CCDC88C: variants seen among roughly 807,000 people sequenced by gnomAD.
CCDC88C encodes coiled-coil and HOOK domain protein 88C.
A neutral mutation model predicts 198.8 loss-of-function variants in CCDC88C; 131 were observed. The ratio of observed to expected loss-of-function variants is 0.66; its 90% CI spans 0.57 to 0.76. The LOEUF (loss-of-function observed/expected upper bound fraction) is 0.76, where lower values mean the gene tolerates loss of function less well. Among genes scored for constraint, CCDC88C ranks in the 30% least tolerant of loss-of-function variants. The pLI, the probability that CCDC88C is intolerant of heterozygous loss-of-function variation, is 0.00. For missense variants in CCDC88C, 2,553 were observed against 2,631.6 expected (o/e 0.97, Z 0.65); for synonymous variants, 1,166 against 1,114.7 (o/e 1.05, Z -0.92).
rs769185494 is a variant in CCDC88C, at chr14:91,307,149, C to T, written c.3084G>A (p.Ala1028=). The T allele has an allele frequency of 1.5e-5, 25 of 1,613,866 alleles. No individual in the cohort carries two copies. Among genetic ancestry groups the T allele is most frequent in the East Asian group, 2.2e-5 (1 of 44,890 alleles). ...CCTGGTGACTGGCGGCTGTCTTCCC[C>T]GCAGGGTGCTTGAAAGAGTTCTGCA... ...QHLQNSFKHP[A]GKTAASHQGK... The change falls in exon 18 of 30, where the codon GCG becomes GCA. Residue 1028 remains alanine (A), a synonymous_variant. Coordinates refer to ENST00000389857, the MANE Select transcript of CCDC88C (RefSeq NM_001080414.4).
chr14:91,281,121 T>C (rs528199702), intron 27 of CCDC88C: 4 of 491,140 alleles, frequency 8.1e-6, no homozygotes, highest in East Asian at 5.8e-5. Flanking sequence ...TGCAGCCAAG[T>C]GAGGACAGCA....
intron 3 of CCDC88C, among the ~76,000 whole-genome samples, chr14:91,375,995 C>T (rs1426195254): frequency 6.6e-6 from 1 of 152,206 alleles, no homozygotes; most frequent in Non-Finnish European, 1.5e-5. Context: ...CGTAGACCTT[C>T]CAGCCCCGCG....
rs760847522 is a variant in CCDC88C, at chr14:91,339,422, G to A, written c.665C>T (p.Ala222Val). ...DLTQERDYLQAQHPPSPIKSS... is the reference protein window; with the variant it reads ...DLTQERDYLQVQHPPSPIKSS... The stretch of plus-strand genomic sequence containing the variant: ...CTTGATGGGGCTGGGTGGATGCTGT[G>A]CCTGCAGGTAGTCCCGTTCCTGAGT... Residue 222 changes from alanine (A) to valine (V), a missense_variant, in exon 8 of 30, where the codon GCA becomes GTA. Around this residue, in one of 2 missense-constraint regions of CCDC88C, gnomAD observed 1,260 missense variants for 1,412.0 expected, o/e 0.89. Coordinates refer to ENST00000389857, the MANE Select transcript of CCDC88C (RefSeq NM_001080414.4). The surrounding 1 kb of genome is among the most constrained non-coding windows in gnomAD (Gnocchi z 5.8). The A allele has an allele frequency of 1.9e-6, 3 of 1,610,618 alleles. No homozygotes were observed. The highest frequency in any genetic ancestry group is 1.7e-6 in the Non-Finnish European group (2 of 1,177,212).
chr14:91,281,331 G>C (rs1487521496), intron 27 of CCDC88C, 126 bp downstream of exon 27: 2 of 1,548,432 alleles, frequency 1.3e-6, no homozygotes, highest in African/African-American at 1.4e-5. Flanking sequence ...AGGAAGAATG[G>C]GTCCCCCATT....
chr14:91,293,445 T>C (rs779434182), intron 23 of CCDC88C, among the ~76,000 whole-genome samples: 65 of 792 alleles, frequency 0.082, 4 homozygotes, highest in South Asian at 0.21. Flanking sequence ...CGTCCTCACC[T>C]GCCACGGTCC....
intron 23 of CCDC88C, 79 bp from the exon 24 acceptor site, chr14:91,291,163 A>C (rs1024408824): frequency 3.7e-6 from 3 of 807,050 alleles, no homozygotes; most frequent in Middle Eastern, 3.1e-4. Flanking sequence ...CCCAGCCTGG[A>C]ACCTGGTGTA....
At chr14:91,385,957 G>C (rs999830045) in intron 3 of CCDC88C, among the ~76,000 whole-genome samples, 5 of 152,144 alleles carry the variant, frequency 3.3e-5, no homozygotes, top group Non-Finnish European at 5.9e-5. Context: ...ATTGGGCCAG[G>C]AGCAGAATGG....
At chr14:91,384,700 C>T (rs532513131) in intron 3 of CCDC88C, 9 of 356,998 alleles carry the variant, frequency 2.5e-5, no homozygotes, top group African/African-American at 1.3e-4. Flanking sequence ...CTCTCCAACA[C>T]GTGCGGCTGC....
intron 22 of CCDC88C, among the ~76,000 whole-genome samples, chr14:91,296,865 T>C (rs1891029735): frequency 6.6e-6 from 1 of 151,990 alleles, no homozygotes; most frequent in African/African-American, 2.4e-5. Context: ...TTTCCAACCT[T>C]GTGTACTAGA....
chr14:91,350,707 C>T (rs1484404246), intron 4 of CCDC88C, among the ~76,000 whole-genome samples: 2 of 151,926 alleles, frequency 1.3e-5, no homozygotes, highest in Non-Finnish European at 2.9e-5. Flanking sequence ...CTCCCCACAA[C>T]CACAGAGGCC....
chr14:91,402,919 G>T (rs1286182387), intron 3 of CCDC88C, among the ~76,000 whole-genome samples: 1 of 152,194 alleles, frequency 6.6e-6, no homozygotes, highest in South Asian at 2.1e-4. Flanking sequence ...GAACCTTCTG[G>T]CCTTGTGCCC....
In CCDC88C at chr14:91,277,989, G is replaced by A. The variant is rs753949290; in HGVS notation, c.4991C>T (p.Ser1664Phe). ...PYVGVRPCSA[S>F]PSSEMVTLEE... is the part of the protein sequence containing the mutation. ...CAAGGTGACCATCTCACTGCTGGGG[G>A]AGGCCGAGCAGGGCCGCACTCCGAC... The change falls in exon 29 of 30, where the codon TCC becomes TTC. Residue 1664 changes from serine to phenylalanine, a missense_variant. Ser to Phe is a radical substitution (Grantham distance 155). Around this residue, in one of 2 missense-constraint regions of CCDC88C, gnomAD observed 1,293 missense variants for 1,219.6 expected, o/e 1.06. Coordinates refer to ENST00000389857, the MANE Select transcript of CCDC88C (RefSeq NM_001080414.4). 2.6e-6 allele frequency: 4 copies of A among 1,567,578 alleles called. No individual in the cohort carries two copies. The highest frequency in any genetic ancestry group is 2.4e-5 in the East Asian group (1 of 42,298).
chr14:91,318,540 C>A (rs2139815560), intron 13 of CCDC88C, among the ~76,000 whole-genome samples: 1 of 152,314 alleles, frequency 6.6e-6, no homozygotes, highest in South Asian at 2.1e-4. Context: ...GCAAGGCACA[C>A]AAAGTTCAAA....
At chr14:91,370,905 C>G (rs1004275225) in intron 3 of CCDC88C, among the ~76,000 whole-genome samples, 1 of 152,224 alleles carries the variant, frequency 6.6e-6, no homozygotes, top group Non-Finnish European at 1.5e-5. Flanking sequence ...GGTCTGGAAA[C>G]CCAGGTCTCC....
chr14:91,306,844 CCT>C (rs1376987164), intron 18 of CCDC88C, among the ~76,000 whole-genome samples, 192 bp downstream of exon 18: 1 of 152,208 alleles, frequency 6.6e-6, no homozygotes, highest in Non-Finnish European at 1.5e-5. Context: ...TGTGTGTGCC[CCT>C]GATGTGAGAA....
At chr14:91,376,762 C>T (rs917172805) in intron 3 of CCDC88C, among the ~76,000 whole-genome samples, 3 of 152,298 alleles carry the variant, frequency 2.0e-5, no homozygotes, top group Non-Finnish European at 2.9e-5. Context: ...AGCCCAGTGT[C>T]GGTTCAGCCC....
At position 91,324,893 on chromosome 14, in the gene CCDC88C, C is replaced by A. The variant is rs766629546; in HGVS notation, c.1228G>T (p.Glu410Ter). 1 of 1,613,612 alleles carries A rather than the reference C, an allele frequency of 6.2e-7. No individual in the cohort carries two copies. The highest frequency in any genetic ancestry group is 1.7e-5 in the Admixed American group (1 of 59,982). The stretch of plus-strand genomic sequence containing the variant: ...AGGACCATGTTTTCTTCCAGCAGCT[C>A]CTCAATTCGTTTCTTATCTGTGTCC... ...DRDTDKKRIE[E>*]LLEENMVLEI... Residue 410 changes from glutamate (E) to a stop codon, truncating the protein, a stop_gained, in exon 12 of 30, where the codon GAG becomes TAG. Transcript: ENST00000389857. LOFTEE classifies it high-confidence loss of function.
At chr14:91,326,117 A>T in intron 10 of CCDC88C, 61 bp from the exon 11 acceptor site, 1 of 1,501,228 alleles carries the variant, frequency 6.7e-7, no homozygotes, top group Non-Finnish European at 9.1e-7. Context: ...ATTAGGATGG[A>T]ATTCTAAAAC....
intron 3 of CCDC88C, among the ~76,000 whole-genome samples, chr14:91,376,155 C>A (rs1464600925): frequency 1.9e-5 from 1 of 51,708 alleles, no homozygotes; most frequent in Non-Finnish European, 3.4e-5. Context: ...CCGCTGCTGC[C>A]CCCCAGGACA....
Sources: gnomAD v4.1 joint callset for allele counts (sites outside exome capture counted in the v4.1 genomes callset) on GRCh38, gnomAD v4.1.1 for gene constraint, gnomAD v4.1.1 regional missense constraint, Gnocchi (gnomAD v3.1) non-coding constraint, MANE v1.5 for transcripts, NCBI Gene and HGNC (gene_info 2026-07-23, HGNC 2026-07-21) for gene names.